The following MAF variants were observed in gnomAD, a reference collection of about 807,000 sequenced individuals.
MAF encodes transcription factor Maf.
MAF carries 10 observed loss-of-function variants against 22.0 expected under a neutral mutation model. The observed-to-expected ratio is 0.45, with a 90% confidence interval of 0.28 to 0.77. The LOEUF (loss-of-function observed/expected upper bound fraction) is 0.77. Ranked by LOEUF, MAF falls within the 30% of genes least tolerant of loss-of-function variation. MAF has a pLI of 0.12. For missense variants in MAF, 544 were observed against 548.4 expected (o/e 0.99, Z 0.08); for synonymous variants, 337 against 255.8 (o/e 1.32, Z -3.03).
At chr16:79,209,181 C>T in the MAF span, among the ~76,000 whole-genome samples, 1 of 152,096 alleles carries the variant, frequency 6.6e-6, no homozygotes, top group Non-Finnish European at 1.5e-5. Context: ...GCATTGTAGC[C>T]AAATGTAGGT....
chr16:79,482,772 G>C, the MAF span, among the ~76,000 whole-genome samples: 19 of 151,988 alleles, frequency 1.3e-4, no homozygotes, highest in African/African-American at 4.6e-4. Flanking sequence ...GGGGTTCAAG[G>C]AGTGGGGAAT....
the MAF span, among the ~76,000 whole-genome samples, chr16:79,423,514 G>A: frequency 2.4e-4 from 36 of 152,308 alleles, no homozygotes; most frequent in East Asian, 6.6e-3. Flanking sequence ...CCAGGAGTTG[G>A]TGAACTACAG....
the MAF span, among the ~76,000 whole-genome samples, chr16:79,403,472 C>A: frequency 3.3e-5 from 5 of 152,260 alleles, no homozygotes; most frequent in East Asian, 9.7e-4. Context: ...GGATCAAGTG[C>A]CCGCCCCTCA....
intron 1 of MAF, chr16:79,597,615 G>A (rs1913610957): frequency 2.0e-6 from 2 of 1,022,294 alleles, no homozygotes; most frequent in Admixed American, 5.8e-5. Context: ...CAGTTTTGGA[G>A]CAGATGCAAA....
At chr16:79,438,429 G>T in the MAF span, among the ~76,000 whole-genome samples, 4 of 152,166 alleles carry the variant, frequency 2.6e-5, no homozygotes, top group Non-Finnish European at 4.4e-5. Context: ...AAGAGACAGC[G>T]CCCGGCTTCA....
the MAF span, among the ~76,000 whole-genome samples, chr16:79,480,298 G>A: frequency 6.6e-6 from 1 of 151,722 alleles, no homozygotes; most frequent in African/African-American, 2.4e-5. Flanking sequence ...AACTGGGCAG[G>A]CAGAATTCTC....
chr16:79,522,506 C>T, the MAF span, among the ~76,000 whole-genome samples: 1 of 152,204 alleles, frequency 6.6e-6, no homozygotes, highest in African/African-American at 2.4e-5. Flanking sequence ...GTTCAATAGA[C>T]ATAGGGTGAC....
At chr16:79,354,497 A>G in the MAF span, among the ~76,000 whole-genome samples, 1 of 152,138 alleles carries the variant, frequency 6.6e-6, no homozygotes, top group Non-Finnish European at 1.5e-5. Flanking sequence ...GGGACTTCCC[A>G]GTAGAGGGGA....
chr16:79,315,501 C>G, the MAF span, among the ~76,000 whole-genome samples: 25 of 152,298 alleles, frequency 1.6e-4, no homozygotes, highest in African/African-American at 5.5e-4. Flanking sequence ...AGGTGCCACA[C>G]ATGTATTAAA....
chr16:79,273,766 C>T, the MAF span, among the ~76,000 whole-genome samples: 1 of 152,130 alleles, frequency 6.6e-6, no homozygotes, highest in African/African-American at 2.4e-5. Context: ...CTTATTTTAA[C>T]GTCAGCTGAT....
chr16:79,573,313 T>C, the MAF span, among the ~76,000 whole-genome samples: 1 of 152,256 alleles, frequency 6.6e-6, no homozygotes, highest in South Asian at 2.1e-4. Flanking sequence ...TTACAGCATT[T>C]GGGTTTTACA....
chr16:79,496,561 C>A, the MAF span, among the ~76,000 whole-genome samples: 5 of 152,198 alleles, frequency 3.3e-5, no homozygotes, highest in South Asian at 2.1e-4. Flanking sequence ...CAGTTTCTTG[C>A]CGTGGTATTA....
At chr16:79,518,263 G>T in the MAF span, among the ~76,000 whole-genome samples, 1 of 152,206 alleles carries the variant, frequency 6.6e-6, no homozygotes, top group African/African-American at 2.4e-5. Context: ...CTGTGCCAGT[G>T]CATGATACTG....
At chr16:79,410,664 GAA>G in the MAF span, among the ~76,000 whole-genome samples, 1 of 152,160 alleles carries the variant, frequency 6.6e-6, no homozygotes, top group East Asian at 1.9e-4. Flanking sequence ...TGAGGGCAAA[GAA>G]AAAAGAGTAG....
chr16:79,359,011 A>T, the MAF span, among the ~76,000 whole-genome samples: 1 of 152,206 alleles, frequency 6.6e-6, no homozygotes, highest in African/African-American at 2.4e-5. Flanking sequence ...CACAAAATGC[A>T]TATTTTTCAG....
the MAF span, among the ~76,000 whole-genome samples, chr16:79,327,422 A>C: frequency 6.6e-6 from 1 of 152,272 alleles, no homozygotes; most frequent in East Asian, 1.9e-4. Flanking sequence ...TCTCATTGAT[A>C]GTCTCTCTTG....
chr16:79,476,200 G>C, the MAF span, among the ~76,000 whole-genome samples: 12 of 152,286 alleles, frequency 7.9e-5, no homozygotes, highest in African/African-American at 2.6e-4. Flanking sequence ...CTTAGAAAAA[G>C]ACCTGGAGCC....
chr16:79,423,407 T>C, the MAF span, among the ~76,000 whole-genome samples: 1 of 152,216 alleles, frequency 6.6e-6, no homozygotes, highest in East Asian at 1.9e-4. Flanking sequence ...ATAAGGGCCG[T>C]GGAGGCTATG....
the MAF span, among the ~76,000 whole-genome samples, chr16:79,554,727 C>T: frequency 6.6e-6 from 1 of 152,130 alleles, no homozygotes; most frequent in Non-Finnish European, 1.5e-5. Flanking sequence ...GAAAAATGAC[C>T]TTCGGGGAAG....
Sources: allele counts gnomAD v4.1 joint callset (sites outside exome capture counted in the v4.1 genomes callset), GRCh38; gene constraint gnomAD v4.1.1; transcripts MANE v1.5; gene names NCBI Gene and HGNC (gene_info 2026-07-23, HGNC 2026-07-21).